Variants in OR10J1 observed in about 807,000 individuals in gnomAD.
OR10J1 encodes the protein olfactory receptor 10J1.
For synonymous variants in OR10J1, 202 were observed against 143.8 expected, an observed-to-expected ratio of 1.40 and a Z score of -2.89; for missense variants, 474 against 376.6, an observed-to-expected ratio of 1.26 and a Z score of -2.14.
the OR10J1 span, among the ~76,000 whole-genome samples, chr1:159,430,989 T>G: frequency 6.6e-6 from 1 of 152,200 alleles, no homozygotes; most frequent in Non-Finnish European, 1.5e-5. Flanking sequence ...TATTTTGTTG[T>G]TTCTATTGCT....
chr1:159,432,592 C>T, the OR10J1 span: 1 of 471,302 alleles, frequency 2.1e-6, no homozygotes, highest in East Asian at 3.1e-5. Context: ...ATCTGCAACC[C>T]TCTACAGTAT....
the OR10J1 span, among the ~76,000 whole-genome samples, chr1:159,417,633 C>A: frequency 2.2e-4 from 33 of 152,260 alleles, no homozygotes; most frequent in East Asian, 6.4e-3. Flanking sequence ...ATTAACCAGT[C>A]TCAGGCAGTC....
upstream of OR10J1, among the ~76,000 whole-genome samples, chr1:159,436,747 C>T (rs189445844): frequency 6.6e-6 from 1 of 151,928 alleles, no homozygotes; most frequent in African/African-American, 2.4e-5. Context: ...GAGAGATAAG[C>T]GAGAATCACT....
At chr1:159,409,891 A>G in the OR10J1 span, among the ~76,000 whole-genome samples, 3 of 152,096 alleles carry the variant, frequency 2.0e-5, no homozygotes, top group East Asian at 1.9e-4. Context: ...TAATTTATTG[A>G]GAGTTTTTAG....
At chr1:159,408,177 G>C in the OR10J1 span, among the ~76,000 whole-genome samples, 2 of 151,948 alleles carry the variant, frequency 1.3e-5, no homozygotes, top group African/African-American at 2.4e-5. Context: ...TACATATGGA[G>C]GACCCAGAAA....
chr1:159,434,825 T>C (rs928235448), upstream of OR10J1, among the ~76,000 whole-genome samples: 2 of 152,078 alleles, frequency 1.3e-5, no homozygotes, highest in Admixed American at 1.3e-4. Context: ...CAGTGCCTTC[T>C]CCACCACCAC....
the OR10J1 span, among the ~76,000 whole-genome samples, chr1:159,408,209 C>A: frequency 6.6e-6 from 1 of 151,806 alleles, no homozygotes; most frequent in African/African-American, 2.4e-5. Context: ...AGACTTGGAA[C>A]CAACCCAAAT....
At chr1:159,420,984 A>T in the OR10J1 span, among the ~76,000 whole-genome samples, 1 of 152,158 alleles carries the variant, frequency 6.6e-6, no homozygotes, top group African/African-American at 2.4e-5. Context: ...ATTTCATTAA[A>T]TAGGTTTCTA....
At chr1:159,399,570 CAAAAA>C in the OR10J1 span, among the ~76,000 whole-genome samples, 2 of 56,120 alleles carry the variant, frequency 3.6e-5, no homozygotes, top group African/African-American at 7.3e-5. Context: ...GATTCTGTCT[CAAAAA>C]AAAAAAAAAA....
At chr1:159,406,709 G>A in the OR10J1 span, among the ~76,000 whole-genome samples, 4 of 152,150 alleles carry the variant, frequency 2.6e-5, no homozygotes, top group African/African-American at 9.7e-5. Context: ...AATGGGCCAG[G>A]CACTTCAGCT....
the OR10J1 span, chr1:159,405,952 C>A: frequency 2.0e-6 from 1 of 488,196 alleles, no homozygotes; most frequent in East Asian, 4.1e-5. Flanking sequence ...CAGCCAGACA[C>A]AAGCCCTCTT....
At chr1:159,423,746 T>C in the OR10J1 span, among the ~76,000 whole-genome samples, 1 of 152,088 alleles carries the variant, frequency 6.6e-6, no homozygotes, top group Admixed American at 6.6e-5. Context: ...GAAAGAACAT[T>C]AAAGGAATTC....
the OR10J1 span, among the ~76,000 whole-genome samples, chr1:159,424,853 C>T: frequency 6.6e-6 from 1 of 151,952 alleles, no homozygotes. Context: ...ATATAAATTG[C>T]CAGATTGAGT....
At chr1:159,399,254 T>C in the OR10J1 span, among the ~76,000 whole-genome samples, 1 of 149,836 alleles carries the variant, frequency 6.7e-6, no homozygotes, top group Admixed American at 6.6e-5. Flanking sequence ...AGCTGAGAGG[T>C]TTTATTAATA....
the OR10J1 span, among the ~76,000 whole-genome samples, chr1:159,421,088 CT>C: frequency 6.6e-6 from 1 of 151,940 alleles, no homozygotes; most frequent in Non-Finnish European, 1.5e-5. Flanking sequence ...CTTTGTAATT[CT>C]TTTTTATTCT....
chr1:159,430,640 GGT>G, the OR10J1 span, among the ~76,000 whole-genome samples: 80 of 140,926 alleles, frequency 5.7e-4, no homozygotes, highest in African/African-American at 1.7e-3. Flanking sequence ...AAAAAATTAT[GGT>G]GTGTGTGTGT....
At chr1:159,410,300 A>G in the OR10J1 span, among the ~76,000 whole-genome samples, 4 of 152,174 alleles carry the variant, frequency 2.6e-5, no homozygotes, top group Non-Finnish European at 4.4e-5. Context: ...TACCTCTGGT[A>G]GAATTTGGCT....
chr1:159,409,868 T>C, the OR10J1 span, among the ~76,000 whole-genome samples: 1 of 152,154 alleles, frequency 6.6e-6, no homozygotes. Flanking sequence ...TTGAGATACG[T>C]CCCATCAATA....
chr1:159,418,593 G>T, the OR10J1 span, among the ~76,000 whole-genome samples: 1 of 152,196 alleles, frequency 6.6e-6, no homozygotes, highest in Non-Finnish European at 1.5e-5. Flanking sequence ...TGCTGCAGGG[G>T]TGGGGCCTTC....
Sources: allele counts gnomAD v4.1 joint callset (sites outside exome capture counted in the v4.1 genomes callset), GRCh38; gene constraint gnomAD v4.1.1; transcripts MANE v1.5; gene names NCBI Gene and HGNC (gene_info 2026-07-23, HGNC 2026-07-21).